Variants in CBX5 observed in about 807,000 individuals in gnomAD.
CBX5 encodes the protein chromobox protein homolog 5.
CBX5 carries 7 observed loss-of-function variants against 20.7 expected under a neutral mutation model. That is an observed-to-expected ratio of 0.34 (90% CI 0.19 to 0.63). The LOEUF (loss-of-function observed/expected upper bound fraction) is 0.63, where lower values mean the gene tolerates loss of function less well. CBX5 is among the 30% of genes least tolerant of loss of function. The pLI is 0.75. For synonymous variants in CBX5, 78 were observed against 77.0 expected (o/e 1.01, Z -0.07); for missense variants, 110 against 224.1 (o/e 0.49, Z 3.25).
intron 1 of CBX5, among the ~76,000 whole-genome samples, chr12:54,263,225 G>A (rs533675383): frequency 5.3e-5 from 8 of 152,058 alleles, no homozygotes; most frequent in African/African-American, 1.9e-4. Context: ...GCCAGGTGTG[G>A]TGGCAGGCAC....
At position 54,236,572 on chromosome 12, in the gene CBX5, C is replaced by G. The variant is rs1436955588; in HGVS notation, c.*5183G>C. 2 of 152,188 alleles carry G rather than the reference C, an allele frequency of 1.3e-5. No homozygotes were observed. The highest frequency in any genetic ancestry group is 4.8e-5 in the African/African-American group (2 of 41,438). 9.4% of individuals were successfully genotyped at this position (152,188 alleles called of 1,614,324 possible). On this transcript the variant is annotated 3_prime_UTR_variant, in exon 5 of 5. Coordinates refer to ENST00000209875, the MANE Select transcript of CBX5 (RefSeq NM_012117.3). The stretch of plus-strand genomic sequence containing the variant: ...AATACACTGGCTCCAGACCTTTCCT[C>G]TCTGCCTTGCCACAGGCATGCTTGG...
At position 54,240,295 on chromosome 12, in the gene CBX5, G is replaced by GT. The variant is rs1943663308; in HGVS notation, c.*1459dup. 1 of 152,168 alleles carries GT rather than the reference G, an allele frequency of 6.6e-6. No homozygotes were observed. Among genetic ancestry groups the GT allele is most frequent in the Admixed American group, 6.5e-5 (1 of 15,274 alleles). 9.4% of individuals were successfully genotyped at this position (152,168 alleles called of 1,614,324 possible). On this transcript the variant is annotated 3_prime_UTR_variant, in exon 5 of 5. Coordinates refer to ENST00000209875, the MANE Select transcript of CBX5 (RefSeq NM_012117.3). ...CAACACAAGAAGAAACCAAAACGAAGTATTTTGCTGAGTAAGAAGAAAAGG... is the reference window on the plus strand; with the variant it reads ...CAACACAAGAAGAAACCAAAACGAAGTTATTTTGCTGAGTAAGAAGAAAAGG...
intron 4 of CBX5, among the ~76,000 whole-genome samples, chr12:54,244,698 A>G (rs1220332160): frequency 1.3e-5 from 2 of 152,116 alleles, no homozygotes; most frequent in Non-Finnish European, 2.9e-5. Flanking sequence ...AGATCGCGCC[A>G]CTGCACTCTA....
chr12:54,243,793 T>C (rs1179789917), intron 4 of CBX5, among the ~76,000 whole-genome samples: 2 of 147,316 alleles, frequency 1.4e-5, no homozygotes, highest in African/African-American at 5.0e-5. Flanking sequence ...TGCTTGAACC[T>C]GGGAGGCGAA....
In CBX5 at chr12:54,234,175, T is replaced by C. The variant is rs1943596162; in HGVS notation, c.*7580A>G. Reference sequence around the variant, plus strand: ...GCCTGGGCAAAAGAGCAAGTTTCCATCTCAAAAAAAAAAAAAAAAAAAAAA... The same window carrying C: ...GCCTGGGCAAAAGAGCAAGTTTCCACCTCAAAAAAAAAAAAAAAAAAAAAA... On this transcript the variant is annotated 3_prime_UTR_variant, in exon 5 of 5. Transcript: ENST00000209875. 1.5e-5 allele frequency: 1 copy of C among 65,680 alleles called. No individual in the cohort carries two copies. Among genetic ancestry groups the C allele is most frequent in the African/African-American group, 7.8e-5 (1 of 12,780 alleles). 4.1% of individuals were successfully genotyped at this position (65,680 alleles called of 1,614,324 possible).
At chr12:54,255,016 A>C (rs1034881259) in intron 2 of CBX5, among the ~76,000 whole-genome samples, 3 of 152,336 alleles carry the variant, frequency 2.0e-5, no homozygotes, top group African/African-American at 7.2e-5. Flanking sequence ...GTTGGGAAGA[A>C]TCTGTTGATA....
intron 1 of CBX5, chr12:54,272,565 C>A (rs942887454): frequency 2.6e-5 from 4 of 152,190 alleles, no homozygotes; most frequent in Admixed American, 6.5e-5. Flanking sequence ...TAGTCTATTA[C>A]ATCCCTTGTA....
At chr12:54,259,515 G>A (rs1190033350) in intron 1 of CBX5, 1 of 152,610 alleles carries the variant, frequency 6.6e-6, no homozygotes, top group Non-Finnish European at 1.5e-5. Flanking sequence ...CTACCGGATC[G>A]CCCCAGTTCT....
At chr12:54,272,539 G>A (rs1944020515) in intron 1 of CBX5, 1 of 152,176 alleles carries the variant, frequency 6.6e-6, no homozygotes, top group Non-Finnish European at 1.5e-5. Flanking sequence ...TAAAAATGTA[G>A]TGAAAATGTT....
intron 2 of CBX5, 144 bp from the exon 3 acceptor site, chr12:54,252,371 C>T (rs1040253453): frequency 2.0e-5 from 9 of 452,216 alleles, no homozygotes; most frequent in African/African-American, 1.7e-4. Flanking sequence ...AAATTTGATC[C>T]TAGATTTCTA....
intron 1 of CBX5, chr12:54,277,060 T>TCTCA (rs1476652289): frequency 6.6e-6 from 1 of 152,170 alleles, no homozygotes; most frequent in East Asian, 1.9e-4. Context: ...TGAGACAAGG[T>TCTCA]CTCACTCTGT....
chr12:54,272,119 C>T (rs1322116410), intron 1 of CBX5: 1 of 152,206 alleles, frequency 6.6e-6, no homozygotes, highest in East Asian at 1.9e-4. Flanking sequence ...CTCTTTAGTA[C>T]AGGGCATTTT....
At chr12:54,245,983 C>CA (rs1309728908) in intron 4 of CBX5, 132 bp downstream of exon 4, 12 of 685,972 alleles carry the variant, frequency 1.7e-5, no homozygotes, top group Non-Finnish European at 2.8e-5. Flanking sequence ...AACACTGTCT[C>CA]AAAAAAAGAA....
At chr12:54,255,751 T>G (rs1204084185) in intron 2 of CBX5, 2 of 152,118 alleles carry the variant, frequency 1.3e-5, no homozygotes, top group Non-Finnish European at 2.9e-5. Flanking sequence ...GGCAACCTGG[T>G]GGTCCCTCAC....
chr12:54,250,493 A>C (rs1592156696), intron 3 of CBX5, among the ~76,000 whole-genome samples: 1 of 152,180 alleles, frequency 6.6e-6, no homozygotes, highest in East Asian at 1.9e-4. Context: ...TTGAAAACAA[A>C]TGCTATCACT....
At chr12:54,275,612 A>C in intron 1 of CBX5, among the ~76,000 whole-genome samples, 1 of 152,102 alleles carries the variant, frequency 6.6e-6, no homozygotes, top group Non-Finnish European at 1.5e-5. Context: ...ATCACATTGG[A>C]AGTTAGGATT....
intron 2 of CBX5, chr12:54,255,479 A>T (rs1216909754): frequency 6.6e-6 from 1 of 151,030 alleles, no homozygotes; most frequent in Non-Finnish European, 1.5e-5. Context: ...GAATCGCTTG[A>T]ACCCGGGAGG....
rs923105865 is a variant in CBX5 at position 54,240,017 on chromosome 12, G to GT, written c.*1737dup. The stretch of plus-strand genomic sequence containing the variant: ...GGTAGATGCTCCTGGCCAGACAGCT[G>GT]TATGTTTTAAAAATCAAAAACAACA... On this transcript the variant is annotated 3_prime_UTR_variant, in exon 5 of 5. Coordinates refer to ENST00000209875, the MANE Select transcript of CBX5 (RefSeq NM_012117.3). 1.3e-5 allele frequency: 2 copies of GT among 152,168 alleles called. No homozygotes were observed. The highest frequency in any genetic ancestry group is 2.4e-5 in the African/African-American group (1 of 41,438). 9.4% of individuals were successfully genotyped at this position (152,168 alleles called of 1,614,324 possible). A position where few individuals can be genotyped will look rare whatever the true frequency, so the allele number is the denominator to read the frequency against.
intron 1 of CBX5, among the ~76,000 whole-genome samples, chr12:54,277,891 A>G (rs779909123): frequency 3.3e-5 from 5 of 152,184 alleles, no homozygotes; most frequent in Non-Finnish European, 5.9e-5. Flanking sequence ...ACTGGAGTGC[A>G]GTGGCTATGC....
Sources: allele counts gnomAD v4.1 joint callset (sites outside exome capture counted in the v4.1 genomes callset), GRCh38; gene constraint gnomAD v4.1.1; transcripts MANE v1.5; gene names NCBI Gene and HGNC (gene_info 2026-07-23, HGNC 2026-07-21).